SRGAP2: variants seen among roughly 807,000 people sequenced by gnomAD.
SRGAP2 encodes the protein SLIT-ROBO Rho GTPase-activating protein 2.
A neutral mutation model predicts 57.2 loss-of-function variants in SRGAP2; 15 were observed. The ratio of observed to expected loss-of-function variants is 0.26; its 90% CI spans 0.18 to 0.40. The LOEUF (loss-of-function observed/expected upper bound fraction) is 0.40. SRGAP2 is among the 10% of genes least tolerant of loss of function. SRGAP2 has a pLI of 1.00. For missense variants in SRGAP2, 520 were observed against 669.6 expected, an observed-to-expected ratio of 0.78 and a Z score of 2.47; for synonymous variants, 249 against 248.0, an observed-to-expected ratio of 1.00 and a Z score of -0.04.
At chr1:206,358,223 C>T (rs1173488013) in intron 4 of SRGAP2, among the ~76,000 whole-genome samples, 1 of 150,752 alleles carries the variant, frequency 6.6e-6, no homozygotes, top group Non-Finnish European at 1.5e-5. Context: ...TGAAATTACT[C>T]ATACCCTCAC....
chr1:206,289,197 A>C, intron 2 of SRGAP2, among the ~76,000 whole-genome samples: 1 of 128,368 alleles, frequency 7.8e-6, no homozygotes. Flanking sequence ...ACCCATTCCC[A>C]CTCTCCTCCA....
At chr1:206,229,940 A>G (rs1436282085) in intron 2 of SRGAP2, among the ~76,000 whole-genome samples, 2 of 151,194 alleles carry the variant, frequency 1.3e-5, no homozygotes, top group Non-Finnish European at 2.9e-5. Context: ...ATACACACAC[A>G]CACACACACA....
chr1:206,283,322 A>G (rs1399937528), intron 2 of SRGAP2, among the ~76,000 whole-genome samples: 1 of 149,774 alleles, frequency 6.7e-6, no homozygotes, highest in African/African-American at 2.5e-5. Context: ...GGTTTAAATT[A>G]CTGGAGTCTG....
Position 206,359,536 on chromosome 1 carries a change from C to CTGACA in SRGAP2, c.423+16532_423+16536dup, listed in dbSNP as rs1251757693. On this transcript the variant is annotated intron_variant, in intron 4 of 22. Transcript: ENST00000573034. ...GACATTATAGACAGGACTGAGTGGC[C>CTGACA]TGACATGAGGTGGGAGGAGGTCATT... 4.1e-5 allele frequency among the ~76,000 whole-genome samples: 3 copies of CTGACA among 72,890 alleles called. No individual in the cohort carries two copies. The East Asian group carries it at 9.5e-4, about 23-fold the overall frequency. The allele number at this position is 72,890 out of a possible 152,430, so 47.8% of individuals were successfully genotyped here. A position where few individuals can be genotyped will look rare whatever the true frequency, so the allele number is the denominator to read the frequency against.
At chr1:206,278,509 C>T (rs1291130269) in intron 2 of SRGAP2, among the ~76,000 whole-genome samples, 1,538 of 142,048 alleles carry the variant, frequency 0.011, 27 homozygotes, top group African/African-American at 0.039. Flanking sequence ...ACCACTATGC[C>T]TGGCTAATTT....
chr1:206,220,990 G>A (rs1368344606), intron 2 of SRGAP2, among the ~76,000 whole-genome samples: 2 of 144,874 alleles, frequency 1.4e-5, no homozygotes, highest in Non-Finnish European at 3.0e-5. Context: ...CACTCAGGCT[G>A]GAGTGCAGTG....
At chr1:206,342,636 TC>T (rs782113459) in intron 3 of SRGAP2, among the ~76,000 whole-genome samples, 119 of 152,182 alleles carry the variant, frequency 7.8e-4, no homozygotes, top group Non-Finnish European at 1.4e-3. Flanking sequence ...CATCCCCTCT[TC>T]CCTCCCTCTC....
At chr1:206,203,771 GCGGTGCC>G (rs1553299999) in intron 1 of SRGAP2, 121 bp downstream of exon 1, 1 of 1,507,486 alleles carries the variant, frequency 6.6e-7, no homozygotes, top group African/African-American at 1.4e-5. Context: ...CATCGCCTTA[GCGGTGCC>G]GCCCGGAATC....
chr1:206,432,095 A>C (rs782686080), intron 14 of SRGAP2, among the ~76,000 whole-genome samples: 1 of 152,214 alleles, frequency 6.6e-6, no homozygotes, highest in East Asian at 1.9e-4. Flanking sequence ...CTGATGCTCT[A>C]TGGAGCTAAG....
chr1:206,249,327 G>C (rs1276888488), intron 2 of SRGAP2, among the ~76,000 whole-genome samples: 1 of 151,918 alleles, frequency 6.6e-6, no homozygotes. Context: ...CAATAACAAA[G>C]ACTTGGAACC....
intron 4 of SRGAP2, among the ~76,000 whole-genome samples, chr1:206,356,042 A>G (rs1553339238): frequency 1.4e-5 from 2 of 146,712 alleles, no homozygotes. Flanking sequence ...ACAGCTCATC[A>G]GGCACCATGC....
intron 4 of SRGAP2, among the ~76,000 whole-genome samples, chr1:206,374,596 CAA>C (rs1553343854): frequency 8.2e-6 from 1 of 121,634 alleles, no homozygotes; most frequent in Admixed American, 8.7e-5. Context: ...TTACTGTGGA[CAA>C]AGACAAGAGG....
chr1:206,420,432 T>A (rs1660193108), intron 12 of SRGAP2, among the ~76,000 whole-genome samples: 1 of 152,084 alleles, frequency 6.6e-6, no homozygotes, highest in Non-Finnish European at 1.5e-5. Context: ...AAGAGCTGAG[T>A]TGAATTTCCC....
chr1:206,299,877 G>T, intron 2 of SRGAP2, among the ~76,000 whole-genome samples: 1 of 148,462 alleles, frequency 6.7e-6, no homozygotes, highest in African/African-American at 2.5e-5. Flanking sequence ...TCCACCTCCT[G>T]TTCTTCCTTC....
At chr1:206,220,593 C>A (rs1666921722) in intron 2 of SRGAP2, among the ~76,000 whole-genome samples, 1 of 152,160 alleles carries the variant, frequency 6.6e-6, no homozygotes, top group Non-Finnish European at 1.5e-5. Context: ...AATAGTATAC[C>A]ACAGCCCACC....
chr1:206,440,736 G>A (rs138645906), intron 17 of SRGAP2, among the ~76,000 whole-genome samples: 2 of 152,248 alleles, frequency 1.3e-5, no homozygotes, highest in East Asian at 3.9e-4. Context: ...TAGTAGACAT[G>A]GGGTTTCACC....
At chr1:206,449,065 G>A (rs1160483392) in intron 18 of SRGAP2, among the ~76,000 whole-genome samples, 1 of 152,120 alleles carries the variant, frequency 6.6e-6, no homozygotes, top group Non-Finnish European at 1.5e-5. Context: ...CAGGCTGAGT[G>A]GGTGATGGTG....
intron 4 of SRGAP2, among the ~76,000 whole-genome samples, chr1:206,366,774 CAAG>C (rs1372113991): frequency 2.0e-5 from 3 of 148,566 alleles, no homozygotes; most frequent in African/African-American, 7.5e-5. Context: ...TGGGGCTCCC[CAAG>C]AAGATTGTTG....
chr1:206,283,835 T>A (rs1670873695), intron 2 of SRGAP2, among the ~76,000 whole-genome samples: 1 of 141,902 alleles, frequency 7.0e-6, no homozygotes, highest in Non-Finnish European at 1.5e-5. Flanking sequence ...TACAGCTTAT[T>A]TTAATATACA....
Sources: allele counts gnomAD v4.1 joint callset (sites outside exome capture counted in the v4.1 genomes callset), GRCh38; gene constraint gnomAD v4.1.1; transcripts MANE v1.5; gene names NCBI Gene and HGNC (gene_info 2026-07-23, HGNC 2026-07-21).